Variants in ADAMTS3 observed in about 807,000 individuals in gnomAD.
ADAMTS3 encodes the protein ADAM metallopeptidase with thrombospondin type 1 motif 3.
A neutral mutation model predicts 129.0 loss-of-function variants in ADAMTS3; 73 were observed. That is an observed-to-expected ratio of 0.57 (90% CI 0.47 to 0.69). The LOEUF (loss-of-function observed/expected upper bound fraction) is 0.69. Ranked by LOEUF, ADAMTS3 falls within the 30% of genes least tolerant of loss-of-function variation. The pLI is 0.00. For synonymous variants in ADAMTS3, 477 were observed against 510.8 expected, an observed-to-expected ratio of 0.93 and a Z score of 0.89; for missense variants, 1,457 against 1,514.5, an observed-to-expected ratio of 0.96 and a Z score of 0.63.
chr4:72,550,099 A>AGAG (rs1721605709), intron 2 of ADAMTS3, among the ~76,000 whole-genome samples: 2 of 135,138 alleles, frequency 1.5e-5, no homozygotes, highest in African/African-American at 2.8e-5. Flanking sequence ...AAGAAGAAGA[A>AGAG]GAAGAAGAAG....
chr4:72,379,678 A>G (rs544229109), intron 4 of ADAMTS3, among the ~76,000 whole-genome samples: 1 of 152,286 alleles, frequency 6.6e-6, no homozygotes, highest in East Asian at 1.9e-4. Flanking sequence ...CATCTGTAGT[A>G]TCACTATGCC....
chr4:72,535,683 C>T (rs1721168168), intron 3 of ADAMTS3, among the ~76,000 whole-genome samples: 1 of 152,108 alleles, frequency 6.6e-6, no homozygotes, highest in Non-Finnish European at 1.5e-5. Flanking sequence ...ATTGCCTCCA[C>T]AGAGGGGCAG....
intron 17 of ADAMTS3, among the ~76,000 whole-genome samples, chr4:72,299,340 C>T (rs1169762845): frequency 1.3e-5 from 2 of 150,030 alleles, no homozygotes; most frequent in Non-Finnish European, 2.9e-5. Flanking sequence ...ATCAATGTAG[C>T]TAAATTGCAC....
At chr4:72,428,657 C>T (rs1454011986) in intron 3 of ADAMTS3, among the ~76,000 whole-genome samples, 5 of 152,010 alleles carry the variant, frequency 3.3e-5, no homozygotes, top group African/African-American at 1.2e-4. Flanking sequence ...TTGGTTGATA[C>T]AGGATTTGGG....
chr4:72,541,972 A>C (rs904233950), intron 3 of ADAMTS3, among the ~76,000 whole-genome samples: 5 of 152,204 alleles, frequency 3.3e-5, no homozygotes, highest in Non-Finnish European at 7.3e-5. Flanking sequence ...ATCATAGTTA[A>C]AATGATTAAC....
At chr4:72,531,910 A>C (rs923529113) in intron 3 of ADAMTS3, among the ~76,000 whole-genome samples, 2 of 152,184 alleles carry the variant, frequency 1.3e-5, no homozygotes, top group Non-Finnish European at 2.9e-5. Context: ...GTGCCTACAA[A>C]GAACACATAG....
At chr4:72,303,330 A>C (rs981490104) in intron 17 of ADAMTS3, among the ~76,000 whole-genome samples, 3 of 144,346 alleles carry the variant, frequency 2.1e-5, no homozygotes, top group African/African-American at 4.9e-5. Context: ...TTTTTCTTTG[A>C]TCAGCCCCCA....
chr4:72,319,233 C>T, intron 9 of ADAMTS3, 99 bp downstream of exon 9: 1 of 1,431,264 alleles, frequency 7.0e-7, no homozygotes, highest in South Asian at 1.3e-5. Flanking sequence ...TAATAGTTTT[C>T]ATTTACTGGG....
At chr4:72,331,078 G>A (rs777055421) in intron 5 of ADAMTS3, among the ~76,000 whole-genome samples, 1 of 152,170 alleles carries the variant, frequency 6.6e-6, no homozygotes, top group Non-Finnish European at 1.5e-5. Flanking sequence ...CAAAAGCAAA[G>A]GGGGAAAGGA....
intron 3 of ADAMTS3, among the ~76,000 whole-genome samples, chr4:72,479,527 T>C (rs1160452409): frequency 6.6e-6 from 1 of 152,184 alleles, no homozygotes; most frequent in Non-Finnish European, 1.5e-5. Flanking sequence ...TCCTTACACC[T>C]TATATAAAAG....
chr4:72,382,932 C>T (rs981414068), intron 4 of ADAMTS3, among the ~76,000 whole-genome samples: 2 of 152,150 alleles, frequency 1.3e-5, no homozygotes, highest in Admixed American at 1.3e-4. Context: ...ACCATGTTCA[C>T]TATTGGAGTG....
rs561177175 is a variant in ADAMTS3, at chr4:72,427,875, T to C, written c.505-12904A>G. Among the ~76,000 whole-genome samples the C allele has an allele frequency of 6.6e-5, 10 of 152,166 alleles. No homozygotes were observed. The South Asian group carries it at 1.9e-3, about 28-fold the overall frequency. Reference sequence around the variant, plus strand: ...TAGATGTGCTGCAACACACACAATATATCTGTTGCTAAAATTCCATAAAGA... The same window carrying C: ...TAGATGTGCTGCAACACACACAATACATCTGTTGCTAAAATTCCATAAAGA... On this transcript the variant is annotated intron_variant, in intron 3 of 21. Coordinates refer to ENST00000286657, the MANE Select transcript of ADAMTS3 (RefSeq NM_014243.3).
chr4:72,487,013 C>G (rs1042434864), intron 3 of ADAMTS3, among the ~76,000 whole-genome samples: 1 of 152,112 alleles, frequency 6.6e-6, no homozygotes, highest in Non-Finnish European at 1.5e-5. Flanking sequence ...GATCACCTCT[C>G]CAGTCATCAC....
At position 72,530,736 on chromosome 4, in the gene ADAMTS3, TTA is replaced by T. The variant is rs1239057182; in HGVS notation, c.504+17740_504+17741del. ...TATATATAATATTATACATTATATA[TTA>T]TATATATTATATATTATATATTATA... On this transcript the variant is annotated intron_variant, in intron 3 of 21. Transcript: ENST00000286657. Among the ~76,000 whole-genome samples, 219 of 52,820 alleles carry T rather than the reference TTA, an allele frequency of 4.1e-3. 2 individuals are homozygous for T. Among genetic ancestry groups the T allele is most frequent in the African/African-American group, 0.021 (211 of 9,834 alleles). 34.7% of individuals were successfully genotyped at this position (52,820 alleles called of 152,430 possible).
At chr4:72,497,727 T>C (rs1172050196) in intron 3 of ADAMTS3, among the ~76,000 whole-genome samples, 2 of 134,602 alleles carry the variant, frequency 1.5e-5, no homozygotes, top group Non-Finnish European at 3.2e-5. Context: ...ACTTTTCTTG[T>C]TATAGATTAA....
At chr4:72,354,341 A>AT (rs1323466981) in intron 4 of ADAMTS3, among the ~76,000 whole-genome samples, 3 of 151,746 alleles carry the variant, frequency 2.0e-5, no homozygotes, top group Admixed American at 1.3e-4. Flanking sequence ...TCAAATCAAG[A>AT]TTTTTTCCCT....
At chr4:72,479,768 T>C (rs1250967502) in intron 3 of ADAMTS3, among the ~76,000 whole-genome samples, 1 of 151,936 alleles carries the variant, frequency 6.6e-6, no homozygotes, top group Admixed American at 6.6e-5. Flanking sequence ...GCCTGCAAAA[T>C]GGGAGAAAAT....
intron 3 of ADAMTS3, among the ~76,000 whole-genome samples, chr4:72,518,718 A>G (rs1037058027): frequency 1.3e-5 from 2 of 151,174 alleles, no homozygotes; most frequent in Non-Finnish European, 2.9e-5. Flanking sequence ...TTTTATTTTG[A>G]GCCTATGTGT....
intron 3 of ADAMTS3, among the ~76,000 whole-genome samples, chr4:72,516,029 G>A (rs1380552318): frequency 3.3e-5 from 5 of 152,122 alleles, no homozygotes; most frequent in Non-Finnish European, 7.4e-5. Context: ...TGTAAGGAAG[G>A]GATCCAGTTC....
Sources: allele counts gnomAD v4.1 joint callset (sites outside exome capture counted in the v4.1 genomes callset), GRCh38; gene constraint gnomAD v4.1.1; transcripts MANE v1.5; gene names NCBI Gene and HGNC (gene_info 2026-07-23, HGNC 2026-07-21).